VEPH1: variants seen among roughly 807,000 people sequenced by gnomAD.
VEPH1 encodes ventricular zone expressed PH domain containing 1.
A neutral mutation model predicts 85.2 loss-of-function variants in VEPH1; 80 were observed. That is an observed-to-expected ratio of 0.94 (90% CI 0.78 to 1.13). The LOEUF is 1.13. Among genes scored for constraint, VEPH1 ranks in the 50% most tolerant of loss-of-function variants. The probability of loss-of-function intolerance (pLI) is 0.00; values close to 1 mark genes in which losing one functional copy is unlikely to be tolerated. For missense variants in VEPH1, 955 were observed against 980.5 expected (o/e 0.97, Z 0.35); for synonymous variants, 297 against 348.0 (o/e 0.85, Z 1.63).
chr3:157,454,410 G>T (rs1455982464), intron 4 of VEPH1, among the ~76,000 whole-genome samples: 1 of 152,150 alleles, frequency 6.6e-6, no homozygotes, highest in Non-Finnish European at 1.5e-5. Flanking sequence ...CAGCAGTCTT[G>T]CAATGGTACT....
intron 9 of VEPH1, among the ~76,000 whole-genome samples, chr3:157,318,509 G>A (rs974749495): frequency 6.6e-6 from 1 of 152,022 alleles, no homozygotes; most frequent in Non-Finnish European, 1.5e-5. Context: ...TTGGGGGGCA[G>A]AGCAGGAGGT....
At chr3:157,322,257 A>G (rs1266943213) in intron 9 of VEPH1, among the ~76,000 whole-genome samples, 6 of 152,140 alleles carry the variant, frequency 3.9e-5, no homozygotes, top group African/African-American at 9.7e-5. Flanking sequence ...AATATCTTCA[A>G]TGTTCATACA....
intron 9 of VEPH1, among the ~76,000 whole-genome samples, chr3:157,328,535 A>C (rs1279655413): frequency 1.3e-5 from 2 of 152,334 alleles, no homozygotes; most frequent in Admixed American, 1.3e-4. Context: ...CTATACAATG[A>C]GAATAAATTT....
chr3:157,267,930 T>A (rs539813751), intron 12 of VEPH1, among the ~76,000 whole-genome samples: 1 of 152,348 alleles, frequency 6.6e-6, no homozygotes, highest in South Asian at 2.1e-4. Flanking sequence ...TTTGAGGTGA[T>A]GACATTTGAT....
intron 4 of VEPH1, chr3:157,442,380 A>C: frequency 6.2e-7 from 1 of 1,610,252 alleles, no homozygotes; most frequent in Non-Finnish European, 8.5e-7. Flanking sequence ...TGAAACAGCT[A>C]TTTTATTCCC....
intron 2 of VEPH1, among the ~76,000 whole-genome samples, chr3:157,475,645 T>G (rs943312269): frequency 7.2e-5 from 11 of 152,220 alleles, no homozygotes; most frequent in Non-Finnish European, 1.5e-4. Flanking sequence ...GTGACACTTA[T>G]GGCCACATGA....
intron 12 of VEPH1, among the ~76,000 whole-genome samples, chr3:157,281,105 A>T (rs149359970): frequency 4.5e-4 from 52 of 115,268 alleles, no homozygotes; most frequent in Admixed American, 2.2e-3. Context: ...TGTGTGTGAG[A>T]GAGAGAGAGA....
chr3:157,456,830 T>C (rs1735425800), intron 4 of VEPH1, among the ~76,000 whole-genome samples: 1 of 152,198 alleles, frequency 6.6e-6, no homozygotes, highest in African/African-American at 2.4e-5. Context: ...TTTGTTCTTT[T>C]TGCTTAGGAT....
At chr3:157,416,860 G>A (rs1731953697) in intron 5 of VEPH1, among the ~76,000 whole-genome samples, 1 of 147,974 alleles carries the variant, frequency 6.8e-6, no homozygotes, top group Non-Finnish European at 1.5e-5. Context: ...AAGAGAGAAA[G>A]AGAAAGAAAG....
rs1223286887 is a variant in VEPH1 at position 157,323,327 on chromosome 3, A to G, written c.1736-6126T>C. On this transcript the variant is annotated intron_variant, in intron 9 of 13. Coordinates refer to ENST00000362010, the MANE Select transcript of VEPH1 (RefSeq NM_001167912.2). ...TTATTCATGAGTGGACACTGCTTTA[A>G]TCATTTGATGTTTTCAGAGCTCGGT... 2.0e-5 allele frequency among the ~76,000 whole-genome samples: 3 copies of G among 152,236 alleles called. No individual in the cohort carries two copies. The East Asian group carries it at 5.8e-4, about 29-fold the overall frequency.
chr3:157,428,347 A>G lies in VEPH1; in HGVS notation c.671T>C (p.Val224Ala), dbSNP rs1732900151. The G allele has an allele frequency of 8.1e-6, 13 of 1,614,116 alleles. No homozygotes were observed. The highest frequency in any genetic ancestry group is 1.1e-5 in the South Asian group (1 of 91,076). The change falls in exon 5 of 14, where the codon GTA becomes GCA. Residue 224 changes from valine to alanine, a missense_variant. Transcript: ENST00000362010. Reference sequence around the variant, plus strand: ...CTCGAGTTGTTTTTTCTTTGCTGCTACATGCAAAAGCCGTAGTAGATGGTA... The same window carrying G: ...CTCGAGTTGTTTTTTCTTTGCTGCTGCATGCAAAAGCCGTAGTAGATGGTA... ...EQYHLLRLLH[V>A]AAKKKQLEVV... is the part of the protein sequence containing the mutation.
At chr3:157,415,624 C>T (rs1731860650) in intron 5 of VEPH1, among the ~76,000 whole-genome samples, 1 of 151,448 alleles carries the variant, frequency 6.6e-6, no homozygotes, top group African/African-American at 2.4e-5. Flanking sequence ...CCTACAGTCA[C>T]TTGCCCTTTT....
chr3:157,399,164 G>C (rs187703447), intron 6 of VEPH1, among the ~76,000 whole-genome samples: 9 of 152,212 alleles, frequency 5.9e-5, no homozygotes, highest in Non-Finnish European at 1.2e-4. Flanking sequence ...AAGCTATATA[G>C]CCCTTTAATT....
At chr3:157,348,550 C>T (rs2108689910) in intron 9 of VEPH1, among the ~76,000 whole-genome samples, 1 of 152,214 alleles carries the variant, frequency 6.6e-6, no homozygotes, top group East Asian at 1.9e-4. Context: ...TGTGTGTCTT[C>T]TTTTGAGAAA....
chr3:157,316,591 C>A (rs998947080), intron 10 of VEPH1, among the ~76,000 whole-genome samples: 1 of 150,934 alleles, frequency 6.6e-6, no homozygotes, highest in Non-Finnish European at 1.5e-5. Flanking sequence ...ATTCTTCATT[C>A]TCAAGTTGTA....
At chr3:157,483,911 G>A (rs1738379131) in intron 2 of VEPH1, among the ~76,000 whole-genome samples, 1 of 152,170 alleles carries the variant, frequency 6.6e-6, no homozygotes, top group African/African-American at 2.4e-5. Context: ...GATTAGATGT[G>A]AAAGTTAATA....
intron 2 of VEPH1, among the ~76,000 whole-genome samples, chr3:157,486,485 C>CAAA (rs576141960): frequency 0.35 from 41,694 of 117,732 alleles, 6,392 homozygotes; most frequent in East Asian, 0.44. Flanking sequence ...GACTCTGACT[C>CAAA]AAAAAAAAAA....
intron 9 of VEPH1, among the ~76,000 whole-genome samples, chr3:157,336,846 A>G (rs950436974): frequency 8.5e-5 from 13 of 152,200 alleles, no homozygotes; most frequent in Non-Finnish European, 1.8e-4. Flanking sequence ...TGAATTATCT[A>G]TAGTTGTTTT....
rs116773668 is a variant in VEPH1 at position 157,445,283 on chromosome 3, G to A, written c.529+14898C>T. Among the ~76,000 whole-genome samples the A allele has an allele frequency of 7.2e-3, 1,099 of 152,170 alleles. 14 individuals carry two copies. The highest frequency in any genetic ancestry group is 0.025 in the African/African-American group (1,033 of 41,516). ...TTTTGTCGTGTTTAATCTTTTAGTT[G>A]GTTGATCACTCAATCTAATTTTGAT... is the stretch of plus-strand genomic sequence containing the variant. On this transcript the variant is annotated intron_variant, in intron 4 of 13. Coordinates refer to ENST00000362010, the MANE Select transcript of VEPH1 (RefSeq NM_001167912.2).
Sources: gnomAD v4.1 joint callset for allele counts (sites outside exome capture counted in the v4.1 genomes callset) on GRCh38, gnomAD v4.1.1 for gene constraint, MANE v1.5 for transcripts, NCBI Gene and HGNC (gene_info 2026-07-23, HGNC 2026-07-21) for gene names.